Variants in LUC7L2 observed in about 807,000 individuals in gnomAD.
LUC7L2 encodes the protein putative RNA-binding protein Luc7-like 2.
In LUC7L2, 25 loss-of-function variants were observed where a neutral mutation model predicts 52.8. The ratio of observed to expected loss-of-function variants is 0.47; its 90% CI spans 0.34 to 0.66. LUC7L2 has a LOEUF of 0.66. Ranked by LOEUF, LUC7L2 falls within the 30% of genes least tolerant of loss-of-function variation. The probability of loss-of-function intolerance (pLI) is 0.01; values close to 1 mark genes in which losing one functional copy is unlikely to be tolerated. For synonymous variants in LUC7L2, 144 were observed against 160.9 expected, an observed-to-expected ratio of 0.89 and a Z score of 0.80; for missense variants, 328 against 497.8, an observed-to-expected ratio of 0.66 and a Z score of 3.25.
Position 139,396,018 on chromosome 7 carries a change from G to A in LUC7L2, c.157-2581G>A, listed in dbSNP as rs1006327015. Among the ~76,000 whole-genome samples, 3 of 152,150 alleles carry A rather than the reference G, an allele frequency of 2.0e-5. No individual in the cohort carries two copies. The South Asian group carries it at 6.2e-4, about 32-fold the overall frequency. On this transcript the variant is annotated intron_variant, in intron 2 of 9. Transcript: ENST00000354926. ...GTCCGAAGGAAGAAAAAAGCTACCT[G>A]ATGGTTGAATTATTTCCTTAATATC...
At position 139,402,343 on chromosome 7, in the gene LUC7L2, A is replaced by G. The variant is rs191420098; in HGVS notation, c.366+96A>G. On this transcript the variant is annotated intron_variant, in intron 4 of 9. Coordinates refer to ENST00000354926, the MANE Select transcript of LUC7L2 (RefSeq NM_016019.5). ...AATAATTAGATTTGCAAGAGATTGC[A>G]AAGACATATACAAGGAATTCTGTAT... The G allele has an allele frequency of 2.2e-4, 265 of 1,211,908 alleles. 4 individuals are homozygous for G. In the African/African-American group the frequency reaches 3.7e-3, roughly 17 times the overall value. 75.1% of individuals were successfully genotyped at this position (1,211,908 alleles called of 1,614,324 possible). A position where few individuals can be genotyped will look rare whatever the true frequency, so the allele number is the denominator to read the frequency against.
intron 3 of LUC7L2, among the ~76,000 whole-genome samples, chr7:139,400,401 C>G (rs965230168): frequency 6.6e-6 from 1 of 152,114 alleles, no homozygotes; most frequent in African/African-American, 2.4e-5. Context: ...CCCAGCTACT[C>G]AGGAGGCTGA....
intron 1 of LUC7L2, chr7:139,341,609 T>C: frequency 6.5e-7 from 1 of 1,532,364 alleles, no homozygotes; most frequent in African/African-American, 1.4e-5. Flanking sequence ...CGGTGTTTAA[T>C]TCCTGCATTT....
intron 2 of LUC7L2, among the ~76,000 whole-genome samples, chr7:139,380,133 C>G (rs1479280443): frequency 6.7e-6 from 1 of 150,050 alleles, no homozygotes; most frequent in Non-Finnish European, 1.5e-5. Context: ...GAGCCGAGAT[C>G]ACACCACTGC....
intron 8 of LUC7L2, chr7:139,416,986 CT>C (rs1473767400): frequency 6.6e-6 from 1 of 152,328 alleles, no homozygotes; most frequent in Non-Finnish European, 1.5e-5. Context: ...ACTTGAAAAA[CT>C]ATTTCTGATA....
chr7:139,410,493 G>C (rs959410241), intron 7 of LUC7L2, among the ~76,000 whole-genome samples: 1 of 152,054 alleles, frequency 6.6e-6, no homozygotes, highest in African/African-American at 2.4e-5. Flanking sequence ...TAGAATTCTA[G>C]TATTTGGAAT....
intron 2 of LUC7L2, among the ~76,000 whole-genome samples, chr7:139,380,921 T>C (rs1800982106): frequency 6.6e-6 from 1 of 152,332 alleles, no homozygotes; most frequent in Non-Finnish European, 1.5e-5. Context: ...ACTTTAAATA[T>C]AAAGCAAAGA....
intron 8 of LUC7L2, among the ~76,000 whole-genome samples, chr7:139,413,645 G>T (rs1464984345): frequency 6.6e-6 from 1 of 152,150 alleles, no homozygotes. Flanking sequence ...GGGTGTGGTG[G>T]CAGGTGCCTG....
chr7:139,375,285 A>G, intron 1 of LUC7L2: 1 of 985,192 alleles, frequency 1.0e-6, no homozygotes, highest in Non-Finnish European at 1.2e-6. Flanking sequence ...CTTAGGAGGT[A>G]GGTGTATTGT....
At chr7:139,374,574 A>T in intron 1 of LUC7L2, 1 of 1,542,226 alleles carries the variant, frequency 6.5e-7, no homozygotes, top group Non-Finnish European at 8.8e-7. Context: ...TTATAGTAGC[A>T]GGCGTAAACA....
At chr7:139,396,385 G>A (rs1356810611) in intron 2 of LUC7L2, among the ~76,000 whole-genome samples, 1 of 152,116 alleles carries the variant, frequency 6.6e-6, no homozygotes, top group Non-Finnish European at 1.5e-5. Context: ...GGAGGCTGCA[G>A]TGAGCCATGA....
intron 8 of LUC7L2, among the ~76,000 whole-genome samples, chr7:139,415,803 A>G (rs1394189009): frequency 1.3e-5 from 2 of 151,842 alleles, no homozygotes; most frequent in Non-Finnish European, 2.9e-5. Context: ...GTGCCCAGCC[A>G]GAAATACTCT....
intron 1 of LUC7L2, among the ~76,000 whole-genome samples, chr7:139,354,205 G>A (rs947171381): frequency 2.0e-5 from 3 of 152,128 alleles, no homozygotes; most frequent in African/African-American, 7.2e-5. Context: ...CCCTTCTGTT[G>A]AAGACAATTG....
chr7:139,406,090 T>C (rs530655966), intron 5 of LUC7L2, among the ~76,000 whole-genome samples: 2 of 152,206 alleles, frequency 1.3e-5, no homozygotes, highest in Non-Finnish European at 2.9e-5. Flanking sequence ...TTGCTCTTCT[T>C]GCTCAGGCAG....
intron 1 of LUC7L2, among the ~76,000 whole-genome samples, chr7:139,346,946 C>G (rs968918845): frequency 6.6e-6 from 1 of 152,208 alleles, no homozygotes; most frequent in Non-Finnish European, 1.5e-5. Context: ...TAATAACCTT[C>G]TCCTCGTCTG....
intron 1 of LUC7L2, chr7:139,371,318 A>G (rs544411117): frequency 1.3e-5 from 9 of 714,206 alleles, no homozygotes; most frequent in Admixed American, 4.2e-5. Context: ...ACCATTAAAT[A>G]TGTCAAATAT....
chr7:139,369,679 G>A (rs754878844), intron 1 of LUC7L2, among the ~76,000 whole-genome samples: 1 of 150,602 alleles, frequency 6.6e-6, no homozygotes, highest in Non-Finnish European at 1.5e-5. Flanking sequence ...TCACAGACAA[G>A]TGGGCCAGAT....
rs1794539530 is a variant in LUC7L2 at position 139,393,617 on chromosome 7, T to C, written c.157-4982T>C. Among the ~76,000 whole-genome samples, 4 of 152,192 alleles carry C rather than the reference T, an allele frequency of 2.6e-5. No homozygotes were observed. In the South Asian group the frequency reaches 8.3e-4, roughly 32 times the overall value. The stretch of plus-strand genomic sequence containing the variant: ...GCCTGCCACCCTGTCCAGCTATTTT[T>C]TGTGTTTTTAGTAGAGATGGGGTTT... On this transcript the variant is annotated intron_variant, in intron 2 of 9. Transcript: ENST00000354926.
At chr7:139,407,033 C>G in intron 5 of LUC7L2, 141 bp from the exon 6 acceptor site, 6 of 196,794 alleles carry the variant, frequency 3.0e-5, no homozygotes, top group Non-Finnish European at 3.0e-5. Flanking sequence ...GAGCTGGAGT[C>G]TCGCCCCAGT....
Sources: gnomAD v4.1 joint callset for allele counts (sites outside exome capture counted in the v4.1 genomes callset) on GRCh38, gnomAD v4.1.1 for gene constraint, MANE v1.5 for transcripts, NCBI Gene and HGNC (gene_info 2026-07-23, HGNC 2026-07-21) for gene names.